Variants in AUTS2 observed in about 807,000 individuals in gnomAD.
The protein encoded by AUTS2 is autism susceptibility gene 2 protein.
A neutral mutation model predicts 112.4 loss-of-function variants in AUTS2; 17 were observed. The ratio of observed to expected loss-of-function variants is 0.15; its 90% CI spans 0.10 to 0.23. AUTS2 has a LOEUF of 0.23. Among genes scored for constraint, AUTS2 ranks in the 10% least tolerant of loss-of-function variants. The pLI is 1.00. For missense variants in AUTS2, 1,510 were observed against 1,701.6 expected (o/e 0.89, Z 1.98); for synonymous variants, 751 against 702.7 (o/e 1.07, Z -1.09).
intron 2 of AUTS2, among the ~76,000 whole-genome samples, chr7:70,028,049 T>C (rs1020460904): frequency 6.6e-6 from 1 of 152,104 alleles, no homozygotes; most frequent in Non-Finnish European, 1.5e-5. Context: ...GTTCATATTC[T>C]TTCCCGCTCT....
chr7:70,422,905 G>A (rs1795284852), intron 4 of AUTS2, among the ~76,000 whole-genome samples: 1 of 152,080 alleles, frequency 6.6e-6, no homozygotes. Context: ...CACTCTCCAT[G>A]CTACCTTCCC....
intron 1 of AUTS2, among the ~76,000 whole-genome samples, chr7:69,707,741 A>C (rs1050719113): frequency 3.3e-5 from 5 of 152,240 alleles, no homozygotes; most frequent in Non-Finnish European, 5.9e-5. Context: ...GATGGAGTCC[A>C]ATTGGTGGGA....
intron 1 of AUTS2, among the ~76,000 whole-genome samples, chr7:69,779,520 T>C (rs1198841277): frequency 6.6e-6 from 1 of 151,998 alleles, no homozygotes; most frequent in Non-Finnish European, 1.5e-5. Context: ...TCCCAGCACT[T>C]TGGAAGGCCG....
At chr7:69,952,872 T>C (rs114143612) in intron 2 of AUTS2, among the ~76,000 whole-genome samples, 84 of 152,308 alleles carry the variant, frequency 5.5e-4, no homozygotes, top group African/African-American at 1.9e-3. Flanking sequence ...ATATTGTCCA[T>C]ACAGCAGGCC....
At chr7:70,070,603 C>T (rs1299471683) in intron 2 of AUTS2, among the ~76,000 whole-genome samples, 4 of 151,600 alleles carry the variant, frequency 2.6e-5, no homozygotes, top group Admixed American at 6.6e-5. Context: ...CAGTGGCTTA[C>T]GCCTATAATC....
At chr7:69,621,395 G>A (rs1331860675) in intron 1 of AUTS2, among the ~76,000 whole-genome samples, 1 of 111,290 alleles carries the variant, frequency 9.0e-6, no homozygotes, top group African/African-American at 3.4e-5. Context: ...TACCCCACTC[G>A]CCTCCACTTT....
At chr7:70,484,216 T>G (rs1476773860) in intron 5 of AUTS2, among the ~76,000 whole-genome samples, 1 of 152,230 alleles carries the variant, frequency 6.6e-6, no homozygotes, top group Non-Finnish European at 1.5e-5. Flanking sequence ...CTTTTCATTT[T>G]CAAAAATCCA....
chr7:69,646,119 AG>A (rs1012454562), intron 1 of AUTS2, among the ~76,000 whole-genome samples: 5 of 152,012 alleles, frequency 3.3e-5, no homozygotes, highest in African/African-American at 1.2e-4. Context: ...ATTTTGGAGG[AG>A]GGGGTAGGGA....
intron 1 of AUTS2, among the ~76,000 whole-genome samples, chr7:69,698,452 T>C (rs1797652578): frequency 6.6e-6 from 1 of 152,200 alleles, no homozygotes; most frequent in Admixed American, 6.5e-5. Context: ...AAAGGGTTTT[T>C]AAAAAGTACT....
intron 1 of AUTS2, among the ~76,000 whole-genome samples, chr7:69,696,288 A>G (rs538767451): frequency 6.6e-6 from 1 of 152,300 alleles, no homozygotes; most frequent in Non-Finnish European, 1.5e-5. Flanking sequence ...CAAGAGACTC[A>G]GCACTTCCTC....
intron 2 of AUTS2, among the ~76,000 whole-genome samples, chr7:70,004,736 C>T (rs1170405510): frequency 6.6e-6 from 1 of 151,726 alleles, no homozygotes; most frequent in Non-Finnish European, 1.5e-5. Context: ...ACTTCATTTT[C>T]CCACCTCAGT....
chr7:69,782,295 C>T (rs185261946), intron 1 of AUTS2, among the ~76,000 whole-genome samples: 140 of 150,382 alleles, frequency 9.3e-4, no homozygotes, highest in African/African-American at 3.3e-3. Flanking sequence ...CCTGGGAGAT[C>T]GAGGCTGGAG....
chr7:70,395,036 T>C (rs975947533), intron 4 of AUTS2, among the ~76,000 whole-genome samples: 1 of 152,190 alleles, frequency 6.6e-6, no homozygotes, highest in Non-Finnish European at 1.5e-5. Flanking sequence ...GAAGATACTG[T>C]TATCTCATTT....
intron 4 of AUTS2, among the ~76,000 whole-genome samples, chr7:70,285,209 T>G (rs1788402845): frequency 6.6e-6 from 1 of 152,200 alleles, no homozygotes; most frequent in African/African-American, 2.4e-5. Flanking sequence ...AATAAATTAG[T>G]AAATTCCCAT....
chr7:70,166,747 T>C (rs1390769993), intron 4 of AUTS2, among the ~76,000 whole-genome samples: 1 of 152,104 alleles, frequency 6.6e-6, no homozygotes, highest in Non-Finnish European at 1.5e-5. Context: ...AGTATAATAG[T>C]ACATAGATAC....
intron 4 of AUTS2, among the ~76,000 whole-genome samples, chr7:70,383,696 C>A (rs560973822): frequency 1.3e-5 from 2 of 152,302 alleles, no homozygotes; most frequent in East Asian, 1.9e-4. Flanking sequence ...GGTGAAAAGC[C>A]TGCCTCTCTG....
At chr7:70,765,042 C>T in intron 8 of AUTS2, 37 bp downstream of exon 8, 3 of 1,610,298 alleles carry the variant, frequency 1.9e-6, no homozygotes, top group South Asian at 2.2e-5. Context: ...ACCCCGACCC[C>T]CACCGCCCCT....
In AUTS2 at chr7:70,790,224, C is replaced by T. The variant is rs543645962; in HGVS notation, c.3008C>T (p.Ser1003Leu). ...PPEAPQTHRA[S>L]EPPPPNSSSS... ...GAGGCCCCGCAGACCCACCGGGCCTCGGAGCCGCCGCCTCCCAACTCCTCG... is the reference window on the plus strand; with the variant it reads ...GAGGCCCCGCAGACCCACCGGGCCTTGGAGCCGCCGCCTCCCAACTCCTCG... Residue 1003 changes from serine (S) to leucine (L), a missense_variant, in exon 19 of 19, where the codon TCG (serine) becomes TTG (leucine). By Grantham distance (145) the Ser-to-Leu change is moderately radical. Transcript: ENST00000342771. This position sits in a 1 kb window ranked among gnomAD's most constrained non-coding sequence, Gnocchi z 7.6. The T allele has an allele frequency of 6.2e-6, 10 of 1,612,472 alleles. No individual in the cohort carries two copies. The East Asian group carries it at 1.6e-4, about 25-fold the overall frequency.
At chr7:70,570,169 G>T (rs920835267) in intron 5 of AUTS2, among the ~76,000 whole-genome samples, 3 of 152,168 alleles carry the variant, frequency 2.0e-5, no homozygotes, top group Non-Finnish European at 4.4e-5. Context: ...AGTAGGTTAG[G>T]CAGGTCTGGC....
Sources: gnomAD v4.1 joint callset for allele counts (sites outside exome capture counted in the v4.1 genomes callset) on GRCh38, gnomAD v4.1.1 for gene constraint, Gnocchi (gnomAD v3.1) non-coding constraint, MANE v1.5 for transcripts, NCBI Gene and HGNC (gene_info 2026-07-23, HGNC 2026-07-21) for gene names.